Variants in PPP1R9A observed in about 807,000 individuals in gnomAD.
PPP1R9A encodes neurabin-1.
Under a neutral mutation model 141.9 loss-of-function variants are expected in PPP1R9A, and 59 were observed. The ratio of observed to expected loss-of-function variants is 0.42; its 90% confidence interval spans 0.34 to 0.52. The LOEUF is 0.52. PPP1R9A is among the 20% of genes least tolerant of loss of function. The pLI is 0.10. For missense variants in PPP1R9A, 1,444 were observed against 1,611.9 expected, an observed-to-expected ratio of 0.90 and a Z score of 1.78; for synonymous variants, 500 against 569.7, an observed-to-expected ratio of 0.88 and a Z score of 1.74.
chr7:95,249,726 A>G (rs893460625), intron 9 of PPP1R9A, among the ~76,000 whole-genome samples: 2 of 152,186 alleles, frequency 1.3e-5, no homozygotes, highest in African/African-American at 4.8e-5. Context: ...ACTCTGAAAC[A>G]TCTTTTACTG....
At chr7:95,157,122 T>C (rs554046525) in intron 4 of PPP1R9A, among the ~76,000 whole-genome samples, 45 of 152,268 alleles carry the variant, frequency 3.0e-4, no homozygotes, top group African/African-American at 9.4e-4. Flanking sequence ...TGCCTCCCCC[T>C]GCTGTTCATG....
chr7:95,209,969 A>G (rs1791724612), intron 7 of PPP1R9A, among the ~76,000 whole-genome samples: 1 of 152,170 alleles, frequency 6.6e-6, no homozygotes, highest in Non-Finnish European at 1.5e-5. Context: ...TTCTCTTGGC[A>G]AGTAAAATGA....
At chr7:95,174,005 G>A (rs138047687) in intron 5 of PPP1R9A, among the ~76,000 whole-genome samples, 6 of 152,070 alleles carry the variant, frequency 3.9e-5, no homozygotes, top group East Asian at 1.9e-4. Context: ...TAGCAATTCC[G>A]CACCTCGGTA....
intron 2 of PPP1R9A, among the ~76,000 whole-genome samples, chr7:95,016,322 A>T (rs1033267333): frequency 6.6e-6 from 1 of 152,140 alleles, no homozygotes; most frequent in African/African-American, 2.4e-5. Context: ...ATACAGCAAC[A>T]GTCTTATGCC....
At position 95,268,586 on chromosome 7, in the gene PPP1R9A, A is replaced by T. The variant is rs776760960; in HGVS notation, c.2702A>T (p.Asp901Val). The change falls in exon 13 of 20, where the codon GAT becomes GTT. Residue 901 changes from aspartate to valine, a missense_variant. Around this residue, in one of 5 missense-constraint regions of PPP1R9A, gnomAD observed 488 missense variants for 542.0 expected, o/e 0.90. Transcript: ENST00000433360. The part of the protein sequence containing the change: ...NEAVPETERL[D>V]SKALKTRAQL... Reference sequence around the variant, plus strand: ...GCAGTCCCAGAGACAGAGCGCCTGGATTCAAAAGCACTGAAAACTCGAGCC... The same window carrying T: ...GCAGTCCCAGAGACAGAGCGCCTGGTTTCAAAAGCACTGAAAACTCGAGCC... 3.7e-6 allele frequency: 6 copies of T among 1,613,436 alleles called. No individual in the cohort carries two copies. The highest frequency in any genetic ancestry group is 5.1e-6 in the Non-Finnish European group (6 of 1,179,528).
At chr7:95,277,678 C>T (rs1803449097) in intron 16 of PPP1R9A, among the ~76,000 whole-genome samples, 1 of 152,184 alleles carries the variant, frequency 6.6e-6, no homozygotes, top group Non-Finnish European at 1.5e-5. Context: ...TCTCCCACCT[C>T]AGCTTCCCAA....
intron 2 of PPP1R9A, among the ~76,000 whole-genome samples, chr7:95,070,712 T>G (rs76124193): frequency 6.6e-6 from 1 of 150,924 alleles, no homozygotes; most frequent in Admixed American, 6.6e-5. Flanking sequence ...TCATAAGAAG[T>G]GAGACTTTTT....
intron 2 of PPP1R9A, among the ~76,000 whole-genome samples, chr7:95,034,888 T>C (rs1218420968): frequency 2.6e-5 from 4 of 152,210 alleles, no homozygotes; most frequent in African/African-American, 9.6e-5. Flanking sequence ...AGCATTATGA[T>C]TTCTGTTCTA....
chr7:94,914,313 A>T (rs761716190), intron 2 of PPP1R9A, among the ~76,000 whole-genome samples: 1 of 152,126 alleles, frequency 6.6e-6, no homozygotes, highest in African/African-American at 2.4e-5. Context: ...TGACTACTTC[A>T]GTTCTTTTTA....
rs933586494 is a variant in PPP1R9A at position 95,088,699 on chromosome 7, C to G, written c.1396-22560C>G. On this transcript the variant is annotated intron_variant, in intron 2 of 19. Coordinates refer to ENST00000433360, the MANE Select transcript of PPP1R9A (RefSeq NM_001166160.2). ...GTTACACAGGCCCAGTTTCTTGTAC[C>G]TAAGGGACCAGCCAGACAAGTAAAT... is the stretch of plus-strand genomic sequence containing the variant. 6.6e-5 allele frequency among the ~76,000 whole-genome samples: 10 copies of G among 151,956 alleles called. 2 individuals carry two copies. Among genetic ancestry groups the G allele is most frequent in the East Asian group, 1.9e-4 (1 of 5,178 alleles).
At chr7:94,978,771 T>G (rs1445196603) in intron 2 of PPP1R9A, among the ~76,000 whole-genome samples, 1 of 152,140 alleles carries the variant, frequency 6.6e-6, no homozygotes, top group Admixed American at 6.5e-5. Flanking sequence ...ATGTTCAGAG[T>G]AGTGCTTCTT....
intron 2 of PPP1R9A, among the ~76,000 whole-genome samples, chr7:95,055,994 A>G (rs556047809): frequency 2.7e-4 from 41 of 152,272 alleles, no homozygotes; most frequent in African/African-American, 9.1e-4. Flanking sequence ...ACTAACTTGT[A>G]TTGTTATTTA....
intron 3 of PPP1R9A, among the ~76,000 whole-genome samples, chr7:95,115,243 ATCAG>A (rs889782754): frequency 2.0e-5 from 3 of 152,202 alleles, no homozygotes; most frequent in Admixed American, 6.5e-5. Context: ...ACTATAAAAG[ATCAG>A]TCAGTCACTG....
chr7:95,144,540 T>C (rs1436760420), intron 4 of PPP1R9A, among the ~76,000 whole-genome samples: 3 of 152,194 alleles, frequency 2.0e-5, no homozygotes, highest in Admixed American at 1.3e-4. Flanking sequence ...GTGGTAGTTC[T>C]AGTTTAATTT....
chr7:95,228,580 T>C (rs1795470541), intron 8 of PPP1R9A, among the ~76,000 whole-genome samples: 1 of 152,218 alleles, frequency 6.6e-6, no homozygotes, highest in Non-Finnish European at 1.5e-5. Context: ...TGCAATACTA[T>C]TAGAATATAC....
chr7:95,256,320 A>T (rs940925052), intron 12 of PPP1R9A, among the ~76,000 whole-genome samples: 1 of 152,190 alleles, frequency 6.6e-6, no homozygotes, highest in Non-Finnish European at 1.5e-5. Flanking sequence ...TTGTTTTAAC[A>T]TTAGAAAACC....
chr7:94,963,522 T>G (rs919494784), intron 2 of PPP1R9A, among the ~76,000 whole-genome samples: 5 of 152,136 alleles, frequency 3.3e-5, no homozygotes, highest in Admixed American at 6.5e-5. Flanking sequence ...GTTCTGTACA[T>G]TTTATGTAAA....
chr7:94,909,683 GTA>G (rs1039981193), intron 1 of PPP1R9A, among the ~76,000 whole-genome samples: 5 of 149,850 alleles, frequency 3.3e-5, no homozygotes, highest in African/African-American at 1.2e-4. Context: ...ATTTTGATAG[GTA>G]TCTCCAAATT....
At position 95,250,026 on chromosome 7, in the gene PPP1R9A, C is replaced by A; in HGVS notation, c.2167C>A (p.Leu723Met). 6.3e-7 allele frequency: 1 copy of A among 1,596,454 alleles called. No individual in the cohort carries two copies. The highest frequency in any genetic ancestry group is 8.5e-7 in the Non-Finnish European group (1 of 1,173,014). Residue 723 changes from leucine (L) to methionine (M), a missense_variant and splice_region_variant, in exon 10 of 20, where the codon CTG becomes ATG. Physicochemically the swap from Leu to Met is conservative, Grantham distance 15 (BLOSUM62 2). Transcript: ENST00000433360. Reference sequence around the variant, plus strand: ...TTGCCTTGACGTTTGCTTTCTCCAGCTGCAGGCAGCAGAAAATGAGAAAGT... The same window carrying A: ...TTGCCTTGACGTTTGCTTTCTCCAGATGCAGGCAGCAGAAAATGAGAAAGT... Reference protein sequence around the residue: ...EAEIQKLKTKLQAAENEKVRW... With the variant: ...EAEIQKLKTKMQAAENEKVRW...
Sources: gnomAD v4.1 joint callset for allele counts (sites outside exome capture counted in the v4.1 genomes callset) on GRCh38, gnomAD v4.1.1 for gene constraint, gnomAD v4.1.1 regional missense constraint, MANE v1.5 for transcripts, NCBI Gene and HGNC (gene_info 2026-07-23, HGNC 2026-07-21) for gene names.